Variants in MUL1 observed in about 807,000 individuals in gnomAD.
MUL1 encodes the protein mitochondrial ubiquitin ligase activator of NFKB 1.
Under a neutral mutation model 34.1 loss-of-function variants are expected in MUL1, and 30 were observed. That is an observed-to-expected ratio of 0.88 (90% CI 0.66 to 1.19). MUL1 has a LOEUF of 1.19. Among genes scored for constraint, MUL1 ranks in the 50% most tolerant of loss-of-function variants. MUL1 has a pLI of 0.00. For missense variants in MUL1, 419 were observed against 450.5 expected, an observed-to-expected ratio of 0.93 and a Z score of 0.63; for synonymous variants, 191 against 187.8, an observed-to-expected ratio of 1.02 and a Z score of -0.14.
chr1:20,506,082 C>G (rs1557517087), intron 1 of MUL1, among the ~76,000 whole-genome samples: 1 of 151,968 alleles, frequency 6.6e-6, no homozygotes, highest in Non-Finnish European at 1.5e-5. Context: ...ACATTGGTTT[C>G]TTTTTTTTCT....
chr1:20,503,210 A>G lies in MUL1; in HGVS notation c.208+12T>C. The G allele has an allele frequency of 6.4e-7, 1 of 1,555,992 alleles. No homozygotes were observed. Among genetic ancestry groups the G allele is most frequent in the African/African-American group, 1.4e-5 (1 of 72,948 alleles). On this transcript the variant is annotated intron_variant, in intron 2 of 3. Coordinates refer to ENST00000264198, the MANE Select transcript of MUL1 (RefSeq NM_024544.3). ...AAGACGTTGTTTTCCATTGACCAAT[A>G]AGCAAACATACCTTCTATAACAGCA...
chr1:20,500,943 C>A lies in MUL1; in HGVS notation c.806G>T (p.Arg269Leu), dbSNP rs941628962. The A allele has an allele frequency of 1.9e-6, 3 of 1,613,896 alleles. No homozygotes were observed. The highest frequency in any genetic ancestry group is 2.5e-6 in the Non-Finnish European group (3 of 1,180,046). Reference protein sequence around the residue: ...LRKQYLQRQERLRLKQMQEEF... With the variant: ...LRKQYLQRQELLRLKQMQEEF... Reference sequence around the variant, plus strand: ...CTCCTGCATCTGCTTGAGGCGCAGGCGCTCCTGCCGCTGCAGATACTGCTT... The same window carrying A: ...CTCCTGCATCTGCTTGAGGCGCAGGAGCTCCTGCCGCTGCAGATACTGCTT... The change falls in exon 4 of 4, where the codon CGC becomes CTC. Residue 269 changes from arginine (R) to leucine (L), a missense_variant. Physicochemically the swap from Arg to Leu is moderately radical, Grantham distance 102 (BLOSUM62 -2). Coordinates refer to ENST00000264198, the MANE Select transcript of MUL1 (RefSeq NM_024544.3).
intron 2 of MUL1, 52 bp downstream of exon 2, chr1:20,503,170 C>T: frequency 7.7e-7 from 1 of 1,292,020 alleles, no homozygotes; most frequent in Non-Finnish European, 1.1e-6. Flanking sequence ...TGATCTTTAT[C>T]AATCTTTTGG....
chr1:20,500,237 T>G lies in MUL1; in HGVS notation c.*453A>C, dbSNP rs2051639848. 6.5e-6 allele frequency: 1 copy of G among 154,958 alleles called. No homozygotes were observed. The highest frequency in any genetic ancestry group is 2.1e-4 in the South Asian group (1 of 4,874). The allele number at this position is 154,958 out of a possible 1,614,324, so 9.6% of individuals were successfully genotyped here. ...GAAGAAAAGCTGCGGCAGAGTCTCT[T>G]CGGAGGCAGCACCCAAGGCATCCGT... On this transcript the variant is annotated 3_prime_UTR_variant, in exon 4 of 4. Transcript: ENST00000264198.
In MUL1 at chr1:20,506,171, ATC is replaced by A. The variant is rs766631053; in HGVS notation, c.120+1732_120+1733del. Among the ~76,000 whole-genome samples, 47 of 152,312 alleles carry A rather than the reference ATC, an allele frequency of 3.1e-4. 3 individuals are homozygous for A. The highest frequency in any genetic ancestry group is 2.6e-4 in the Non-Finnish European group (18 of 68,020). ...AGTTTCTAAACCCTTACTGAAAACA[ATC>A]TGATAATTAAGTTAGTCAGGTTTAG... On this transcript the variant is annotated intron_variant, in intron 1 of 3. Transcript: ENST00000264198.
intron 2 of MUL1, 151 bp from the exon 3 acceptor site, chr1:20,502,340 C>T (rs951485502): frequency 8.9e-6 from 9 of 1,006,968 alleles, no homozygotes; most frequent in Middle Eastern, 3.3e-4. Flanking sequence ...CTTGGGGCCA[C>T]GAGTTTGAGA....
chr1:20,501,203 G>C lies in MUL1; in HGVS notation c.546C>G (p.Ile182Met). 6.2e-7 allele frequency: 1 copy of C among 1,614,092 alleles called. No homozygotes were observed. The highest frequency in any genetic ancestry group is 8.5e-7 in the Non-Finnish European group (1 of 1,179,978). Residue 182 changes from isoleucine (I) to methionine (M), a missense_variant, in exon 4 of 4, where the codon ATC becomes ATG. Physicochemically the swap from Ile to Met is conservative, Grantham distance 10. Coordinates refer to ENST00000264198, the MANE Select transcript of MUL1 (RefSeq NM_024544.3). The surrounding 1 kb of genome is among the most constrained non-coding windows in gnomAD (Gnocchi z 4.2). ...CCTTCAGCATCTCCTCGGTCTCTTGGATGCCTTTGGGCCGCTCACCGCTGA... is the reference window on the plus strand; with the variant it reads ...CCTTCAGCATCTCCTCGGTCTCTTGCATGCCTTTGGGCCGCTCACCGCTGA... ...HYISGERPKG[I>M]QETEEMLKVG...
chr1:20,505,785 C>A (rs1557516998), intron 1 of MUL1, among the ~76,000 whole-genome samples: 1 of 152,022 alleles, frequency 6.6e-6, no homozygotes, highest in Non-Finnish European at 1.5e-5. Context: ...CATTTAGGAA[C>A]TGTTTGGCAA....
In MUL1 at chr1:20,508,082, G is replaced by A. The variant is rs2051736172; in HGVS notation, c.-58C>T. ...GCCAAGGATAGGCCTGGTGACCCCC[G>A]ACTCTCCACCTCCTTCCGACCAGGA... On this transcript the variant is annotated 5_prime_UTR_variant, in exon 1 of 4. Coordinates refer to ENST00000264198, the MANE Select transcript of MUL1 (RefSeq NM_024544.3). The A allele has an allele frequency of 1.9e-6, 3 of 1,550,696 alleles. No individual in the cohort carries two copies. The highest frequency in any genetic ancestry group is 2.3e-5 in the East Asian group (1 of 42,698).
intron 1 of MUL1, among the ~76,000 whole-genome samples, chr1:20,504,973 A>T (rs1372585431): frequency 1.3e-5 from 2 of 152,036 alleles, no homozygotes; most frequent in African/African-American, 4.8e-5. Context: ...CCACCACAGG[A>T]TGGCCAATTC....
In MUL1 at chr1:20,502,245, G is replaced by A. The variant is rs2051669830; in HGVS notation, c.209-56C>T. 4 of 1,609,286 alleles carry A rather than the reference G, an allele frequency of 2.5e-6. No individual in the cohort carries two copies. In the South Asian group the frequency reaches 4.4e-5, roughly 18 times the overall value. On this transcript the variant is annotated intron_variant, in intron 2 of 3. Transcript: ENST00000264198. Reference sequence around the variant, plus strand: ...AGAAGTTTTCTGCCCTCTCCTTTCAGATAATTTAAAATGTGTTTTCTGGTC... The same window carrying A: ...AGAAGTTTTCTGCCCTCTCCTTTCAAATAATTTAAAATGTGTTTTCTGGTC...
Position 20,502,155 on chromosome 1 carries a change from G to GC in MUL1, c.242dup (p.Ser81ArgfsTer32), listed in dbSNP as rs768881824. ...CCCCCTTGCAGTTTTCCACAAACTG[G>GC]CTGTTAAGCGTTTCTTTAACAGACC... is the stretch of plus-strand genomic sequence containing the variant. On this transcript the variant is annotated frameshift_variant, in exon 3 of 4. Transcript: ENST00000264198. LOFTEE classifies it high-confidence loss of function. 1.4e-5 allele frequency: 23 copies of GC among 1,614,090 alleles called. No homozygotes were observed. The South Asian group carries it at 2.5e-4, about 18-fold the overall frequency.
At position 20,502,514 on chromosome 1, in the gene MUL1, A is replaced by AC. The variant is rs551227608; in HGVS notation, c.209-326dup. On this transcript the variant is annotated intron_variant, in intron 2 of 3. Transcript: ENST00000264198. The stretch of plus-strand genomic sequence containing the variant: ...CAGTGAGCTATGATCACACCACCAT[A>AC]CTACAGCTACCTGGGTGACAGAGCC... 2.2e-3 allele frequency among the ~76,000 whole-genome samples: 332 copies of AC among 152,282 alleles called. 3 individuals carry two copies. The highest frequency in any genetic ancestry group is 7.4e-3 in the African/African-American group (308 of 41,568).
rs2051732779 is a variant in MUL1 at position 20,507,896 on chromosome 1, A to G, written c.120+9T>C. The G allele has an allele frequency of 1.3e-6, 2 of 1,597,352 alleles. No individual in the cohort carries two copies. Among genetic ancestry groups the G allele is most frequent in the Non-Finnish European group, 1.7e-6 (2 of 1,172,696 alleles). ...ACCCGGCTGAGGCCAGGCCGGCTCC[A>G]GCACTGACCTTGAGCTCTTGGGAGA... On this transcript the variant is annotated intron_variant, in intron 1 of 3. Coordinates refer to ENST00000264198, the MANE Select transcript of MUL1 (RefSeq NM_024544.3).
At position 20,501,112 on chromosome 1, in the gene MUL1, G is replaced by A. The variant is rs372400266; in HGVS notation, c.637C>T (p.Pro213Ser). 15 of 1,613,972 alleles carry A rather than the reference G, an allele frequency of 9.3e-6. No individual in the cohort carries two copies. The highest frequency in any genetic ancestry group is 1.3e-5 in the African/African-American group (1 of 74,938). Residue 213 changes from proline to serine, a missense_variant, in exon 4 of 4, where the codon CCC (proline) becomes TCC (serine). Coordinates refer to ENST00000264198, the MANE Select transcript of MUL1 (RefSeq NM_024544.3). This position sits in a 1 kb window ranked among gnomAD's most constrained non-coding sequence, Gnocchi z 4.2. ...LDNNSVRLQP[P>S]KQGMQYYLSS... ...AGATAGTACTGCATGCCTTGTTTGG[G>A]CGGCTGCAGGCGGACAGAGTTGTTG...
Position 20,499,951 on chromosome 1 carries a change from T to C in MUL1, c.*739A>G, listed in dbSNP as rs1356715546. The C allele has an allele frequency of 2.0e-5, 3 of 152,296 alleles. No individual in the cohort carries two copies. The highest frequency in any genetic ancestry group is 1.5e-5 in the Non-Finnish European group (1 of 68,108). 9.4% of individuals were successfully genotyped at this position (152,296 alleles called of 1,614,324 possible). ...AGGGACCACCCCGAGCTCTCCCAAGTGGCAGGAGTTCAAATCAGGGCCAGT... is the reference window on the plus strand; with the variant it reads ...AGGGACCACCCCGAGCTCTCCCAAGCGGCAGGAGTTCAAATCAGGGCCAGT... On this transcript the variant is annotated 3_prime_UTR_variant, in exon 4 of 4. Coordinates refer to ENST00000264198, the MANE Select transcript of MUL1 (RefSeq NM_024544.3).
intron 1 of MUL1, among the ~76,000 whole-genome samples, chr1:20,507,636 G>A (rs2051728632): frequency 6.6e-6 from 1 of 152,228 alleles, no homozygotes; most frequent in Non-Finnish European, 1.5e-5. Context: ...CATCGCAGGT[G>A]TTCAATAAAT....
In MUL1 at chr1:20,501,095, C is replaced by T. The variant is rs1285596383; in HGVS notation, c.654G>A (p.Gln218=). ...VRLQPPKQGM[Q]YYLSSQDFDS... is the part of the protein sequence containing the mutation. Reference sequence around the variant, plus strand: ...CGAAGTCCTGGCTGCTTAGATAGTACTGCATGCCTTGTTTGGGCGGCTGCA... The same window carrying T: ...CGAAGTCCTGGCTGCTTAGATAGTATTGCATGCCTTGTTTGGGCGGCTGCA... The change falls in exon 4 of 4, where the codon CAG becomes CAA. Residue 218 remains glutamine, a synonymous_variant. Transcript: ENST00000264198. This position sits in a 1 kb window ranked among gnomAD's most constrained non-coding sequence, Gnocchi z 4.2. The T allele has an allele frequency of 6.2e-7, 1 of 1,614,172 alleles. No individual in the cohort carries two copies. The highest frequency in any genetic ancestry group is 1.1e-5 in the South Asian group (1 of 91,090).
intron 1 of MUL1, among the ~76,000 whole-genome samples, chr1:20,507,402 C>T (rs1039386395): frequency 2.0e-5 from 3 of 152,196 alleles, no homozygotes; most frequent in Admixed American, 1.3e-4. Flanking sequence ...TAGATATCTG[C>T]ATGACTCCCC....
Sources: gnomAD v4.1 joint callset for allele counts (sites outside exome capture counted in the v4.1 genomes callset) on GRCh38, gnomAD v4.1.1 for gene constraint, Gnocchi (gnomAD v3.1) non-coding constraint, MANE v1.5 for transcripts, NCBI Gene and HGNC (gene_info 2026-07-23, HGNC 2026-07-21) for gene names.